Variants in CDH18 observed in about 807,000 individuals in gnomAD.
CDH18 encodes the protein cadherin-18.
A neutral mutation model predicts 67.9 loss-of-function variants in CDH18; 31 were observed. The ratio of observed to expected loss-of-function variants is 0.46; its 90% CI spans 0.34 to 0.62. The LOEUF (loss-of-function observed/expected upper bound fraction) is 0.62, where lower values mean the gene tolerates loss of function less well. Among genes scored for constraint, CDH18 ranks in the 20% least tolerant of loss-of-function variants. The pLI is 0.01. For missense variants in CDH18, 890 were observed against 975.5 expected, an observed-to-expected ratio of 0.91 and a Z score of 1.17; for synonymous variants, 362 against 347.2, an observed-to-expected ratio of 1.04 and a Z score of -0.48.
At chr5:19,540,909 C>T (rs1750159190) in intron 9 of CDH18, among the ~76,000 whole-genome samples, 1 of 152,174 alleles carries the variant, frequency 6.6e-6, no homozygotes, top group African/African-American at 2.4e-5. Context: ...TAACATTTGG[C>T]TCCTTGTTAC....
intron 1 of CDH18, among the ~76,000 whole-genome samples, chr5:20,525,119 C>T (rs1348068515): frequency 1.3e-5 from 2 of 152,146 alleles, no homozygotes; most frequent in African/African-American, 2.4e-5. Flanking sequence ...CTGACTAAGA[C>T]ATTCTGTAGC....
At chr5:19,719,912 A>AGAAAGAAC (rs1290693307) in intron 5 of CDH18, among the ~76,000 whole-genome samples, 2 of 87,704 alleles carry the variant, frequency 2.3e-5, no homozygotes, top group African/African-American at 6.6e-5. Flanking sequence ...AGAGAAAGAA[A>AGAAAGAAC]GAAAGAAAGA....
At chr5:20,377,002 A>C (rs1743505114) in intron 1 of CDH18, among the ~76,000 whole-genome samples, 1 of 142,988 alleles carries the variant, frequency 7.0e-6, no homozygotes, top group African/African-American at 2.6e-5. Flanking sequence ...GGGTGACAAG[A>C]ATGAGACTCC....
At chr5:20,429,414 C>T (rs1748568489) in intron 1 of CDH18, among the ~76,000 whole-genome samples, 1 of 152,088 alleles carries the variant, frequency 6.6e-6, no homozygotes, top group African/African-American at 2.4e-5. Flanking sequence ...GTGAAAGCAA[C>T]AGTTATTCCC....
At chr5:19,795,056 C>T (rs968580297) in intron 3 of CDH18, among the ~76,000 whole-genome samples, 1 of 152,060 alleles carries the variant, frequency 6.6e-6, no homozygotes, top group Admixed American at 6.6e-5. Flanking sequence ...AAAGGCAGCT[C>T]AGCTTCTTGC....
chr5:19,686,059 G>A (rs953724655), intron 5 of CDH18, among the ~76,000 whole-genome samples: 3 of 152,138 alleles, frequency 2.0e-5, no homozygotes, highest in South Asian at 2.1e-4. Flanking sequence ...GTAGTCAACT[G>A]ACAGGATACT....
At chr5:19,495,185 G>A (rs781768183) in intron 11 of CDH18, among the ~76,000 whole-genome samples, 10 of 152,068 alleles carry the variant, frequency 6.6e-5, no homozygotes, top group Non-Finnish European at 1.2e-4. Context: ...CATGAGATGG[G>A]GTTCTAACCC....
At chr5:20,241,257 T>C (rs1742873133) in intron 2 of CDH18, among the ~76,000 whole-genome samples, 1 of 152,166 alleles carries the variant, frequency 6.6e-6, no homozygotes, top group Non-Finnish European at 1.5e-5. Context: ...TTCTTAACTT[T>C]AGCAGCAAAT....
At chr5:20,150,583 T>C (rs1751020982) in intron 2 of CDH18, among the ~76,000 whole-genome samples, 1 of 152,114 alleles carries the variant, frequency 6.6e-6, no homozygotes, top group African/African-American at 2.4e-5. Context: ...GTTTTATTTC[T>C]TAACTTAGGT....
At chr5:20,454,026 T>C (rs574519822) in intron 1 of CDH18, among the ~76,000 whole-genome samples, 13 of 152,218 alleles carry the variant, frequency 8.5e-5, no homozygotes, top group Non-Finnish European at 1.9e-4. Flanking sequence ...GAGGAATAAA[T>C]AGAATAAATA....
At chr5:19,775,559 A>T (rs1457492171) in intron 3 of CDH18, among the ~76,000 whole-genome samples, 1 of 152,082 alleles carries the variant, frequency 6.6e-6, no homozygotes, top group African/African-American at 2.4e-5. Flanking sequence ...GAGATGCCAC[A>T]CACTTTTAAA....
At chr5:20,370,720 T>C (rs956788618) in intron 1 of CDH18, among the ~76,000 whole-genome samples, 29 of 152,100 alleles carry the variant, frequency 1.9e-4, no homozygotes, top group African/African-American at 7.0e-4. Context: ...GAGAGGGCTA[T>C]GAGAGAAGAA....
chr5:19,505,689 GC>G (rs1312410392), intron 10 of CDH18, among the ~76,000 whole-genome samples: 15 of 152,198 alleles, frequency 9.9e-5, no homozygotes, highest in Admixed American at 5.9e-4. Context: ...TGGTGGATAA[GC>G]TTTTTGATGT....
chr5:20,419,098 G>A (rs1177362600), intron 1 of CDH18, among the ~76,000 whole-genome samples: 1 of 151,992 alleles, frequency 6.6e-6, no homozygotes, highest in African/African-American at 2.4e-5. Context: ...ATTGAATCAA[G>A]GGGACTTTCC....
intron 2 of CDH18, among the ~76,000 whole-genome samples, chr5:20,185,827 A>T (rs1020753351): frequency 4.0e-5 from 6 of 151,174 alleles, no homozygotes; most frequent in African/African-American, 1.5e-4. Context: ...CCCCCTTCCC[A>T]CTAGATTCTA....
At chr5:19,995,304 A>G (rs1233103892) in intron 2 of CDH18, among the ~76,000 whole-genome samples, 3 of 152,072 alleles carry the variant, frequency 2.0e-5, no homozygotes, top group Non-Finnish European at 4.4e-5. Context: ...TGCATAGAAA[A>G]CTATCAGGCA....
At chr5:19,981,839 C>T (rs991189297) in intron 1 of CDH18, among the ~76,000 whole-genome samples, 6 of 152,162 alleles carry the variant, frequency 3.9e-5, no homozygotes, top group Admixed American at 6.5e-5. Flanking sequence ...ACACTTCCTC[C>T]CAGGCTTCCT....
intron 1 of CDH18, among the ~76,000 whole-genome samples, chr5:20,415,943 C>G (rs189117611): frequency 6.6e-6 from 1 of 152,102 alleles, no homozygotes; most frequent in East Asian, 1.9e-4. Flanking sequence ...AATAGCCAAA[C>G]TCATAAGAAC....
At chr5:20,120,246 T>C (rs1452808039) in intron 2 of CDH18, among the ~76,000 whole-genome samples, 1 of 152,138 alleles carries the variant, frequency 6.6e-6, no homozygotes, top group South Asian at 2.1e-4. Context: ...GCCTGTAAGG[T>C]GGAAGATGAT....
Sources: gnomAD v4.1 joint callset for allele counts (sites outside exome capture counted in the v4.1 genomes callset) on GRCh38, gnomAD v4.1.1 for gene constraint, MANE v1.5 for transcripts, NCBI Gene and HGNC (gene_info 2026-07-23, HGNC 2026-07-21) for gene names.